Variants in VPS13B observed in about 807,000 individuals in gnomAD.
VPS13B encodes intermembrane lipid transfer protein VPS13B.
VPS13B carries 285 observed loss-of-function variants against 426.4 expected under a neutral mutation model. That is an observed-to-expected ratio of 0.67 (90% CI 0.61 to 0.74). VPS13B has a LOEUF of 0.74. Among genes scored for constraint, VPS13B ranks in the 30% least tolerant of loss-of-function variants. The pLI is 0.00. For missense variants in VPS13B, 4,537 were observed against 4,782.6 expected (o/e 0.95, Z 1.51); for synonymous variants, 1,676 against 1,676.4 (o/e 1.00, Z 0.01).
At chr8:99,701,539 C>G (rs1048278129) in intron 36 of VPS13B, among the ~76,000 whole-genome samples, 1 of 152,024 alleles carries the variant, frequency 6.6e-6, no homozygotes, top group Non-Finnish European at 1.5e-5. Context: ...AGTTAGTAAA[C>G]TCTAGTTTTG....
intron 17 of VPS13B, among the ~76,000 whole-genome samples, chr8:99,254,851 C>T (rs1422096643): frequency 6.6e-6 from 1 of 152,046 alleles, no homozygotes; most frequent in African/African-American, 2.4e-5. Flanking sequence ...CCATGTTGGC[C>T]AGGCTGGTCC....
At chr8:99,576,311 G>A (rs1825772974) in intron 32 of VPS13B, among the ~76,000 whole-genome samples, 1 of 152,102 alleles carries the variant, frequency 6.6e-6, no homozygotes, top group African/African-American at 2.4e-5. Flanking sequence ...CAGGATGTAT[G>A]CCACCAATAA....
At chr8:99,502,653 G>T (rs1821305603) in intron 26 of VPS13B, among the ~76,000 whole-genome samples, 183 bp from the exon 27 acceptor site, 1 of 152,128 alleles carries the variant, frequency 6.6e-6, no homozygotes, top group South Asian at 2.1e-4. Flanking sequence ...CCCCTTTCTT[G>T]AAATAAATGT....
chr8:99,026,672 A>T (rs1451186635), intron 2 of VPS13B, among the ~76,000 whole-genome samples: 1 of 152,096 alleles, frequency 6.6e-6, no homozygotes, highest in Non-Finnish European at 1.5e-5. Flanking sequence ...TGCTTGCCAA[A>T]TTGACTTCAT....
chr8:99,462,809 A>G (rs962998057), intron 23 of VPS13B, among the ~76,000 whole-genome samples: 2 of 152,162 alleles, frequency 1.3e-5, no homozygotes, highest in African/African-American at 4.8e-5. Context: ...AGAGGAAGAA[A>G]TACCAGAGCT....
chr8:99,341,536 A>G (rs1225657280), intron 19 of VPS13B: 1 of 157,236 alleles, frequency 6.4e-6, no homozygotes, highest in Non-Finnish European at 1.4e-5. Flanking sequence ...TTTTAGACAG[A>G]TTTGATGCCA....
intron 35 of VPS13B, among the ~76,000 whole-genome samples, chr8:99,684,597 C>T (rs2130011112): frequency 6.6e-6 from 1 of 152,238 alleles, no homozygotes; most frequent in Admixed American, 6.5e-5. Context: ...TAGTCTTCTT[C>T]CTTAGTCTAC....
chr8:99,156,723 T>C lies in VPS13B; in HGVS notation c.2188T>C (p.Tyr730His). Residue 730 changes from tyrosine to histidine, a missense_variant, in exon 15 of 62, where the codon TAT (tyrosine) becomes CAT (histidine). Physicochemically the swap from Tyr to His is moderately conservative, Grantham distance 83. This residue lies in a region of VPS13B where 4,311 missense variants were observed against 4,474.3 expected (regional missense o/e 0.96). Transcript: ENST00000357162. ...TTCTGATAACCTGCTTCATTATTGT[T>C]ATGTACACTGCTATCTTAAGGTATG... ...QPSDNLLHYC[Y>H]VHCYLKIFGF... 6.2e-7 allele frequency: 1 copy of C among 1,614,044 alleles called. No individual in the cohort carries two copies. Among genetic ancestry groups the C allele is most frequent in the Non-Finnish European group, 8.5e-7 (1 of 1,179,890 alleles).
intron 19 of VPS13B, among the ~76,000 whole-genome samples, chr8:99,343,140 C>T (rs972458930): frequency 4.6e-5 from 7 of 151,252 alleles, no homozygotes; most frequent in African/African-American, 1.7e-4. Context: ...TGTCGCCAGG[C>T]TGGAGTGCAG....
chr8:99,806,019 T>G (rs117408856), intron 43 of VPS13B, among the ~76,000 whole-genome samples: 2,299 of 152,266 alleles, frequency 0.015, 32 homozygotes, highest in Middle Eastern at 0.041. Flanking sequence ...GTGAAGCCCA[T>G]TGCTTTCCTC....
intron 33 of VPS13B, among the ~76,000 whole-genome samples, chr8:99,605,458 A>C (rs1002535488): frequency 6.6e-6 from 1 of 152,158 alleles, no homozygotes; most frequent in Non-Finnish European, 1.5e-5. Flanking sequence ...AGATAACTCT[A>C]ATCCTAGATA....
intron 19 of VPS13B, among the ~76,000 whole-genome samples, chr8:99,277,668 TCTTA>T (rs1818968575): frequency 6.6e-6 from 1 of 152,194 alleles, no homozygotes; most frequent in Non-Finnish European, 1.5e-5. Context: ...TATTGACACT[TCTTA>T]CTTATTTTTC....
chr8:99,510,525 C>G (rs2133635205), intron 28 of VPS13B, among the ~76,000 whole-genome samples: 1 of 152,202 alleles, frequency 6.6e-6, no homozygotes, highest in Admixed American at 6.5e-5. Flanking sequence ...TTGTTTGAGA[C>G]AGAGCCTCAC....
intron 33 of VPS13B, among the ~76,000 whole-genome samples, chr8:99,609,935 T>C (rs1196025984): frequency 1.3e-5 from 2 of 152,228 alleles, no homozygotes; most frequent in African/African-American, 4.8e-5. Context: ...CTTAGAATTA[T>C]TATGAAATTA....
At chr8:99,820,451 T>C (rs1814295295) in intron 49 of VPS13B, among the ~76,000 whole-genome samples, 1 of 152,204 alleles carries the variant, frequency 6.6e-6, no homozygotes, top group Non-Finnish European at 1.5e-5. Context: ...CATGTGTGCT[T>C]ATCCATACCC....
intron 19 of VPS13B, among the ~76,000 whole-genome samples, chr8:99,309,491 T>G (rs1263469470): frequency 6.6e-6 from 1 of 152,188 alleles, no homozygotes; most frequent in Non-Finnish European, 1.5e-5. Flanking sequence ...CATATGGTTG[T>G]AGATGTGTGG....
rs935583735 is a variant in VPS13B at position 99,051,714 on chromosome 8, G to A, written c.291+13148G>A. 8.5e-5 allele frequency among the ~76,000 whole-genome samples: 13 copies of A among 152,190 alleles called. No homozygotes were observed. In the East Asian group the frequency reaches 2.5e-3, roughly 29 times the overall value. ...ATCCTCTTTTATTTCATTGAGCAGT[G>A]GTTTATAGTTCTCCTTGAAGAGGTC... On this transcript the variant is annotated intron_variant, in intron 3 of 61. Coordinates refer to ENST00000357162, the MANE Select transcript of VPS13B (RefSeq NM_152564.5).
intron 24 of VPS13B, among the ~76,000 whole-genome samples, chr8:99,481,137 A>G (rs1055452768): frequency 2.0e-5 from 3 of 152,216 alleles, no homozygotes; most frequent in Non-Finnish European, 4.4e-5. Context: ...TCAATGTTAT[A>G]TCATTCTTTT....
chr8:99,302,789 G>A (rs895580242), intron 19 of VPS13B, among the ~76,000 whole-genome samples: 2 of 152,054 alleles, frequency 1.3e-5, no homozygotes, highest in African/African-American at 4.8e-5. Context: ...GATTACAGGC[G>A]TGAGCCTCAG....
Sources: gnomAD v4.1 joint callset for allele counts (sites outside exome capture counted in the v4.1 genomes callset) on GRCh38, gnomAD v4.1.1 for gene constraint, gnomAD v4.1.1 regional missense constraint, MANE v1.5 for transcripts, NCBI Gene and HGNC (gene_info 2026-07-23, HGNC 2026-07-21) for gene names.